Variants in MOGAT3 observed in about 807,000 individuals in gnomAD.
MOGAT3 encodes the protein 2-acylglycerol O-acyltransferase 3.
MOGAT3 carries 39 observed loss-of-function variants against 34.4 expected under a neutral mutation model. The ratio of observed to expected loss-of-function variants is 1.13; its 90% CI spans 0.88 to 1.48. MOGAT3 has a LOEUF of 1.48. MOGAT3 is among the 40% of genes most tolerant of loss of function. The probability of loss-of-function intolerance (pLI) is 0.00; values close to 1 mark genes in which losing one functional copy is unlikely to be tolerated. For missense variants in MOGAT3, 439 were observed against 438.9 expected (o/e 1.00, Z 0.00); for synonymous variants, 209 against 179.2 (o/e 1.17, Z -1.33).
chr7:101,197,621 C>T (rs1380166573), intron 5 of MOGAT3, among the ~76,000 whole-genome samples: 1 of 152,096 alleles, frequency 6.6e-6, no homozygotes. Context: ...CAAGTCCGGC[C>T]GGGCACGGTG....
rs767113617 is a variant in MOGAT3 at position 101,196,017 on chromosome 7, G to C, written c.955C>G (p.Leu319Val). The C allele has an allele frequency of 1.1e-5, 17 of 1,614,052 alleles. 1 individual carries two copies. In the Admixed American group the frequency reaches 2.7e-4, roughly 25 times the overall value. The change falls in exon 7 of 7, where the codon CTG becomes GTG. Residue 319 changes from leucine to valine, a missense_variant. By Grantham distance (32) the Leu-to-Val change is conservative. Transcript: ENST00000223114. ...NHYHALYMTA[L>V]EQLFEEHKES... ...TTGTGCTCCTCGAAGAGCTGCTCCA[G>C]GGCCGTCATGTAGAGGGCGTGATAG...
At position 101,200,952 on chromosome 7, in the gene MOGAT3, C is replaced by G; in HGVS notation, c.-98G>C. ...GGGCAGACTTTCTCCCTACAGGAGC[C>G]CAGCTTTGGGGGCCTGGCTAAGTCG... On this transcript the variant is annotated 5_prime_UTR_variant, in exon 1 of 7. Transcript: ENST00000223114. 2.0e-6 allele frequency: 2 copies of G among 983,540 alleles called. No individual in the cohort carries two copies. The highest frequency in any genetic ancestry group is 3.0e-6 in the Non-Finnish European group (2 of 660,536). The allele number at this position is 983,540 out of a possible 1,614,324, so 60.9% of individuals were successfully genotyped here. A position where few individuals can be genotyped will look rare whatever the true frequency, so the allele number is the denominator to read the frequency against.
rs1797761962 is a variant in MOGAT3, at chr7:101,195,866, T to A, written c.*80A>T. On this transcript the variant is annotated 3_prime_UTR_variant, in exon 7 of 7. Coordinates refer to ENST00000223114, the MANE Select transcript of MOGAT3 (RefSeq NM_178176.4). ...CTGCGCTGGGCCCAGAACTACCTTT[T>A]ATTGGAGGCATGGAGTCCACAGTGG... The A allele has an allele frequency of 4.0e-6, 6 of 1,488,066 alleles. No individual in the cohort carries two copies. The highest frequency in any genetic ancestry group is 1.4e-5 in the African/African-American group (1 of 72,256). 92.2% of individuals were successfully genotyped at this position (1,488,066 alleles called of 1,614,324 possible). A position where few individuals can be genotyped will look rare whatever the true frequency, so the allele number is the denominator to read the frequency against.
At position 101,198,694 on chromosome 7, in the gene MOGAT3, C is replaced by G; in HGVS notation, c.425G>C (p.Arg142Pro). 1 of 1,613,008 alleles carries G rather than the reference C, an allele frequency of 6.2e-7. No homozygotes were observed. The change falls in exon 4 of 7, where the codon CGG becomes CCG. Residue 142 changes from arginine to proline, a missense_variant. Physicochemically the swap from Arg to Pro is moderately radical, Grantham distance 103. Coordinates refer to ENST00000223114, the MANE Select transcript of MOGAT3 (RefSeq NM_178176.4). ...GCCAGCCAGCACGGCTAACCAGGGC[C>G]GGAGCCCCGGGAAGAGCTGGGAGAA... is the stretch of plus-strand genomic sequence containing the variant. ...NGFSQLFPGL[R>P]PWLAVLAGLF...
rs992943503 is a variant in MOGAT3, at chr7:101,196,075, C to G, written c.897G>C (p.Gln299His). 1 of 1,612,366 alleles carries G rather than the reference C, an allele frequency of 6.2e-7. No homozygotes were observed. The highest frequency in any genetic ancestry group is 2.2e-5 in the East Asian group (1 of 44,830). ...CTTCCTCCTCGGTGGGGTGGAGGCG[C>G]TGGGGGACGGGGATGGGGCGGCCCA... ...TVVGRPIPVP[Q>H]RLHPTEEEVN... The change falls in exon 7 of 7, where the codon CAG (glutamine) becomes CAC (histidine). Residue 299 changes from glutamine (Q) to histidine (H), a missense_variant. Physicochemically the swap from Gln to His is conservative, Grantham distance 24 (BLOSUM62 0). Transcript: ENST00000223114.
chr7:101,196,217 G>T lies in MOGAT3; in HGVS notation c.841C>A (p.Leu281Met). The T allele has an allele frequency of 4.4e-6, 7 of 1,584,620 alleles. No homozygotes were observed. The highest frequency in any genetic ancestry group is 6.0e-6 in the Non-Finnish European group (7 of 1,164,968). The change falls in exon 6 of 7, where the codon CTG becomes ATG. Residue 281 changes from leucine to methionine, a missense_variant. Transcript: ENST00000223114. Reference protein sequence around the residue: ...GLFSATSWGLLPFAVPITTVV... With the variant: ...GLFSATSWGLMPFAVPITTVV... Reference sequence around the variant, plus strand: ...GTGGTGATGGGCACAGCAAAGGGCAGCAGGCCCCAGGAGGTGGCTGAGAAG... The same window carrying T: ...GTGGTGATGGGCACAGCAAAGGGCATCAGGCCCCAGGAGGTGGCTGAGAAG...
chr7:101,195,898 G>A lies in MOGAT3; in HGVS notation c.*48C>T. The A allele has an allele frequency of 6.2e-7, 1 of 1,601,512 alleles. No individual in the cohort carries two copies. Among genetic ancestry groups the A allele is most frequent in the Non-Finnish European group, 8.5e-7 (1 of 1,169,934 alleles). ...GGCATGGAGTCCACAGTGGGTGGAGGTCTCAGTGCCTTGGGCTCAGGGGCT... is the reference window on the plus strand; with the variant it reads ...GGCATGGAGTCCACAGTGGGTGGAGATCTCAGTGCCTTGGGCTCAGGGGCT... On this transcript the variant is annotated 3_prime_UTR_variant, in exon 7 of 7. Coordinates refer to ENST00000223114, the MANE Select transcript of MOGAT3 (RefSeq NM_178176.4).
At position 101,198,219 on chromosome 7, in the gene MOGAT3, C is replaced by T. The variant is rs767228269; in HGVS notation, c.640G>A (p.Gly214Ser). 9 of 1,613,230 alleles carry T rather than the reference C, an allele frequency of 5.6e-6. No homozygotes were observed. Among genetic ancestry groups the T allele is most frequent in the African/African-American group, 2.7e-5 (2 of 74,952 alleles). Reference protein sequence around the residue: ...EHCLTLQKRKGFVRLALRHGA... With the variant: ...EHCLTLQKRKSFVRLALRHGA... ...TGCCTCAGCGCCAGGCGCACGAAGC[C>T]TTTGCGCTTCTGGAGCGTAAGGCAG... Residue 214 changes from glycine to serine, a missense_variant, in exon 5 of 7, where the codon GGC (glycine) becomes AGC (serine). Gly to Ser is a moderately conservative substitution (Grantham distance 56, BLOSUM62 0). Coordinates refer to ENST00000223114, the MANE Select transcript of MOGAT3 (RefSeq NM_178176.4).
chr7:101,193,338 G>A (rs7782121), downstream of MOGAT3, among the ~76,000 whole-genome samples: 143,415 of 152,280 alleles, frequency 0.94, 67,610 homozygotes, highest in African/African-American at 0.98. Context: ...GGCAGGAAAG[G>A]GGGAAGGACA....
intron 3 of MOGAT3, 140 bp from the exon 4 acceptor site, chr7:101,198,970 A>AAGATAGGGTTAGGAT (rs1412043237): frequency 1.5e-6 from 1 of 677,570 alleles, no homozygotes; most frequent in Non-Finnish European, 2.5e-6. Context: ...TTCCGAGTTA[A>AAGATAGGGTTAGGAT]AGGTTCTTAG....
intron 5 of MOGAT3, among the ~76,000 whole-genome samples, chr7:101,197,885 A>T (rs748823391): frequency 1.6e-4 from 24 of 152,342 alleles, no homozygotes; most frequent in Non-Finnish European, 2.9e-4. Flanking sequence ...ATAACAAAAA[A>T]AGAAACAAGT....
At chr7:101,198,548 G>GC in intron 4 of MOGAT3, 78 bp downstream of exon 4, 1 of 1,256,670 alleles carries the variant, frequency 8.0e-7, no homozygotes, top group Non-Finnish European at 1.0e-6. Context: ...ACTTATTATG[G>GC]GGGGGGGTGG....
In MOGAT3 at chr7:101,198,610, C is replaced by T. The variant is rs1195551781; in HGVS notation, c.493+16G>A. ...TCAGGAGTCTCCTCCCGTTCTCCTCCTCCCATTCGGCTCACCAAAGGACAT... is the reference window on the plus strand; with the variant it reads ...TCAGGAGTCTCCTCCCGTTCTCCTCTTCCCATTCGGCTCACCAAAGGACAT... On this transcript the variant is annotated intron_variant, in intron 4 of 6. Transcript: ENST00000223114. 1.9e-6 allele frequency: 3 copies of T among 1,610,396 alleles called. No individual in the cohort carries two copies. Among genetic ancestry groups the T allele is most frequent in the Admixed American group, 1.7e-5 (1 of 59,944 alleles).
rs111262172 is a variant in MOGAT3, at chr7:101,196,248, G to C, written c.810C>G (p.Arg270=). ...CCCAGGAGGTGGCTGAGAAGAGACC[G>C]CGACCCCAGAAGATGCAAGGAGAGA... ...MGFSPCIFWG[R]GLFSATSWGL... The change falls in exon 6 of 7, where the codon CGC becomes CGG. Residue 270 remains arginine, a synonymous_variant. Coordinates refer to ENST00000223114, the MANE Select transcript of MOGAT3 (RefSeq NM_178176.4). 12 of 1,603,194 alleles carry C rather than the reference G, an allele frequency of 7.5e-6. No homozygotes were observed. Among genetic ancestry groups the C allele is most frequent in the Non-Finnish European group, 1.0e-5 (12 of 1,174,840 alleles).
chr7:101,200,248 A>T lies in MOGAT3; in HGVS notation c.274T>A (p.Tyr92Asn). 6.2e-7 allele frequency: 1 copy of T among 1,614,006 alleles called. No individual in the cohort carries two copies. The highest frequency in any genetic ancestry group is 8.5e-7 in the Non-Finnish European group (1 of 1,179,952). Residue 92 changes from tyrosine to asparagine, a missense_variant, in exon 3 of 7, where the codon TAT (tyrosine) becomes AAT (asparagine). By Grantham distance (143) the Tyr-to-Asn change is moderately radical (BLOSUM62 -2). Transcript: ENST00000223114. ...TGACCCATCACCTTGACAGGATAAT[A>T]ATCCCTTAGTTGTCTCCAAATTGCC... ...NRAIWRQLRD[Y>N]YPVKLVKTAE...
intron 3 of MOGAT3, 34 bp downstream of exon 3, chr7:101,200,200 T>C (rs1434796291): frequency 6.3e-7 from 1 of 1,581,044 alleles, no homozygotes; most frequent in Admixed American, 1.7e-5. Flanking sequence ...TGGGGAGAGG[T>C]AGGAAGCAGT....
At chr7:101,199,882 C>T (rs767125804) in intron 3 of MOGAT3, among the ~76,000 whole-genome samples, 1 of 151,786 alleles carries the variant, frequency 6.6e-6, no homozygotes, top group Non-Finnish European at 1.5e-5. Context: ...TCACTTGAGG[C>T]CAGGAGTTTG....
chr7:101,198,906 C>A lies in MOGAT3; in HGVS notation c.289-76G>T, dbSNP rs541333440. The A allele has an allele frequency of 3.7e-6, 5 of 1,355,072 alleles. No homozygotes were observed. The East Asian group carries it at 1.2e-4, about 31-fold the overall frequency. The allele number at this position is 1,355,072 out of a possible 1,614,324, so 83.9% of individuals were successfully genotyped here. ...TGAAAAGAGGGGCCCTCCACCCCAA[C>A]AGAGTTCCGAGTTAAAGGTTCTTAG... is the stretch of plus-strand genomic sequence containing the variant. On this transcript the variant is annotated intron_variant, in intron 3 of 6. Transcript: ENST00000223114.
Position 101,198,265 on chromosome 7 carries a change from C to T in MOGAT3, c.594G>A (p.Leu198=). 7 of 1,612,790 alleles carry T rather than the reference C, an allele frequency of 4.3e-6. No individual in the cohort carries two copies. Among genetic ancestry groups the T allele is most frequent in the Non-Finnish European group, 5.9e-6 (7 of 1,179,272 alleles). Reference sequence around the variant, plus strand: ...GGCAGTGCTCCCCGGGGACTGAATACAGGGCCTCGTGCGCACCCCCCACCA... The same window carrying T: ...GGCAGTGCTCCCCGGGGACTGAATATAGGGCCTCGTGCGCACCCCCCACCA... ...VIMVGGAHEA[L]YSVPGEHCLT... The change falls in exon 5 of 7, where the codon CTG becomes CTA. Residue 198 remains leucine (L), a synonymous_variant. Coordinates refer to ENST00000223114, the MANE Select transcript of MOGAT3 (RefSeq NM_178176.4).
Sources: gnomAD v4.1 joint callset for allele counts (sites outside exome capture counted in the v4.1 genomes callset) on GRCh38, gnomAD v4.1.1 for gene constraint, MANE v1.5 for transcripts, NCBI Gene and HGNC (gene_info 2026-07-23, HGNC 2026-07-21) for gene names.